ADAMTSL1: variants seen among roughly 807,000 people sequenced by gnomAD.
ADAMTSL1 encodes ADAMTS-like protein 1.
A neutral mutation model predicts 201.8 loss-of-function variants in ADAMTSL1; 126 were observed. That is an observed-to-expected ratio of 0.62 (90% CI 0.54 to 0.72). The LOEUF is 0.72. Ranked by LOEUF, ADAMTSL1 falls within the 30% of genes least tolerant of loss-of-function variation. The pLI, the probability that ADAMTSL1 is intolerant of heterozygous loss-of-function variation, is 0.00. For synonymous variants in ADAMTSL1, 1,121 were observed against 903.4 expected, an observed-to-expected ratio of 1.24 and a Z score of -4.32; for missense variants, 2,679 against 2,277.8, an observed-to-expected ratio of 1.18 and a Z score of -3.59.
Position 18,320,671 on chromosome 9 carries a change from T to TCCC in ADAMTSL1, c.207+156690_207+156691insCCC, listed in dbSNP as rs1260519571. ...AATTCCAACATTACATTGTGAGGTGTATAAATGTATGGGAAATATATTAAA... is the reference window on the plus strand; with the variant it reads ...AATTCCAACATTACATTGTGAGGTGTCCCATAAATGTATGGGAAATATATTAAA... On this transcript the variant is annotated intron_variant, in intron 2 of 29. Transcript: ENST00000680146. 1.5e-4 allele frequency among the ~76,000 whole-genome samples: 23 copies of TCCC among 152,302 alleles called. 1 individual carries two copies. The East Asian group carries it at 4.4e-3, about 29-fold the overall frequency.
At chr9:18,556,432 G>A (rs1050501396) in intron 3 of ADAMTSL1, among the ~76,000 whole-genome samples, 3 of 151,956 alleles carry the variant, frequency 2.0e-5, no homozygotes, top group Admixed American at 6.6e-5. Flanking sequence ...TACTCTAGAT[G>A]ACTTTAATCA....
chr9:18,103,207 T>G (rs1473566704), intron 1 of ADAMTSL1, among the ~76,000 whole-genome samples: 1 of 152,188 alleles, frequency 6.6e-6, no homozygotes, highest in African/African-American at 2.4e-5. Context: ...AACACATTTT[T>G]TTTTCATTGA....
At chr9:17,960,742 A>C (rs12345692) in intron 1 of ADAMTSL1, among the ~76,000 whole-genome samples, 1,840 of 152,218 alleles carry the variant, frequency 0.012, 38 homozygotes, top group African/African-American at 0.042. Flanking sequence ...TCTTTTTAAC[A>C]TTTCATCTCA....
intron 8 of ADAMTSL1, 61 bp downstream of exon 8, chr9:18,657,811 T>C: frequency 7.3e-7 from 1 of 1,376,422 alleles, no homozygotes; most frequent in South Asian, 1.2e-5. Flanking sequence ...TTGGGTATTA[T>C]AAGAGTAGAG....
chr9:18,076,071 G>T (rs1823211086), intron 1 of ADAMTSL1, among the ~76,000 whole-genome samples: 1 of 152,116 alleles, frequency 6.6e-6, no homozygotes, highest in African/African-American at 2.4e-5. Context: ...CTTTTATTAG[G>T]TTCCTGTTTG....
At chr9:18,803,948 T>G (rs532710269) in intron 20 of ADAMTSL1, among the ~76,000 whole-genome samples, 16 of 152,324 alleles carry the variant, frequency 1.1e-4, no homozygotes, top group African/African-American at 3.8e-4. Flanking sequence ...AATTATTTTT[T>G]ACTATTACTA....
At chr9:18,237,715 T>G (rs908932152) in intron 2 of ADAMTSL1, among the ~76,000 whole-genome samples, 3 of 152,364 alleles carry the variant, frequency 2.0e-5, no homozygotes, top group South Asian at 2.1e-4. Flanking sequence ...CTCTGATGCA[T>G]TTGAAAAGAT....
At chr9:18,816,720 C>CTTTTTTTTTTTTTTTT (rs751791974) in intron 20 of ADAMTSL1, among the ~76,000 whole-genome samples, 1 of 39,754 alleles carries the variant, frequency 2.5e-5, no homozygotes, top group African/African-American at 1.0e-4. Context: ...AACCCTTGGT[C>CTTTTTTTTTTTTTTTT]TTTTTTTTTT....
chr9:18,357,197 C>T (rs1347825249), intron 2 of ADAMTSL1, among the ~76,000 whole-genome samples: 2 of 151,996 alleles, frequency 1.3e-5, no homozygotes, highest in Non-Finnish European at 2.9e-5. Context: ...AATCAGAAAC[C>T]TCCTCTGGAG....
chr9:18,657,312 C>T (rs34361890), intron 7 of ADAMTSL1, among the ~76,000 whole-genome samples: 18,499 of 152,164 alleles, frequency 0.12, 1,352 homozygotes, highest in Non-Finnish European at 0.16. Context: ...ATAATTTTAT[C>T]TATTATACCA....
chr9:18,806,560 A>G lies in ADAMTSL1; in HGVS notation c.3806-10549A>G, dbSNP rs1271390574. Among the ~76,000 whole-genome samples the G allele has an allele frequency of 2.0e-5, 3 of 152,326 alleles. No homozygotes were observed. In the East Asian group the frequency reaches 5.8e-4, roughly 29 times the overall value. ...ATGCTCTCTACTCTTGGCTTCATTCAAAAAACAAACTTTCCATCTCCTCTG... is the reference window on the plus strand; with the variant it reads ...ATGCTCTCTACTCTTGGCTTCATTCGAAAAACAAACTTTCCATCTCCTCTG... On this transcript the variant is annotated intron_variant, in intron 20 of 28. Coordinates refer to ENST00000380548, the MANE Select transcript of ADAMTSL1 (RefSeq NM_001040272.6).
In ADAMTSL1 at chr9:18,491,445, C is replaced by CTGAA. The variant is rs1225275571; in HGVS notation, c.64-13383_64-13380dup. Among the ~76,000 whole-genome samples, 6 of 152,286 alleles carry CTGAA rather than the reference C, an allele frequency of 3.9e-5. No individual in the cohort carries two copies. In the South Asian group the frequency reaches 8.3e-4, roughly 21 times the overall value. ...TTGCTGGAAACAAAAAGGTAACAGGCTGAAAATGCTTACACGTTGAAAGCA... is the reference window on the plus strand; with the variant it reads ...TTGCTGGAAACAAAAAGGTAACAGGCTGAATGAAAATGCTTACACGTTGAAAGCA... On this transcript the variant is annotated intron_variant, in intron 1 of 28. Coordinates refer to ENST00000380548, the MANE Select transcript of ADAMTSL1 (RefSeq NM_001040272.6).
chr9:18,354,685 G>A (rs1343388018), intron 2 of ADAMTSL1, among the ~76,000 whole-genome samples: 1 of 152,100 alleles, frequency 6.6e-6, no homozygotes, highest in East Asian at 1.9e-4. Flanking sequence ...ATAAATATCT[G>A]GGTCAGGCGT....
At chr9:18,620,021 T>TA (rs1825936093) in intron 4 of ADAMTSL1, among the ~76,000 whole-genome samples, 1 of 123,680 alleles carries the variant, frequency 8.1e-6, no homozygotes, top group Non-Finnish European at 1.9e-5. Context: ...TCTGATTTTT[T>TA]TTTTTTTTTT....
chr9:17,918,682 C>G (rs1373920927), intron 1 of ADAMTSL1, among the ~76,000 whole-genome samples: 1 of 151,774 alleles, frequency 6.6e-6, no homozygotes, highest in Non-Finnish European at 1.5e-5. Flanking sequence ...AAATGTCAAT[C>G]AGGTCAAATT....
intron 2 of ADAMTSL1, among the ~76,000 whole-genome samples, chr9:18,202,167 A>G (rs1282938851): frequency 6.6e-6 from 1 of 152,162 alleles, no homozygotes; most frequent in Non-Finnish European, 1.5e-5. Flanking sequence ...ACAAAGTCAC[A>G]GGGGAAAAAT....
At chr9:18,063,123 G>A (rs1822534537) in intron 1 of ADAMTSL1, among the ~76,000 whole-genome samples, 1 of 152,128 alleles carries the variant, frequency 6.6e-6, no homozygotes, top group South Asian at 2.1e-4. Context: ...GAGGCCAGGA[G>A]TTCAAGACCA....
chr9:18,562,237 C>T (rs989707560), intron 3 of ADAMTSL1, among the ~76,000 whole-genome samples: 38 of 152,150 alleles, frequency 2.5e-4, no homozygotes, highest in Non-Finnish European at 5.0e-4. Context: ...AATCTCTCAG[C>T]ATTTGCTTGT....
intron 2 of ADAMTSL1, among the ~76,000 whole-genome samples, chr9:18,240,162 G>A (rs756629220): frequency 2.0e-5 from 3 of 152,100 alleles, no homozygotes; most frequent in Non-Finnish European, 4.4e-5. Flanking sequence ...GTTTTAGCCT[G>A]ACAAAATGCA....
Sources: allele counts gnomAD v4.1 joint callset (sites outside exome capture counted in the v4.1 genomes callset), GRCh38; gene constraint gnomAD v4.1.1; transcripts MANE v1.5; gene names NCBI Gene and HGNC (gene_info 2026-07-23, HGNC 2026-07-21).